Variants in CNTN5 observed in about 807,000 individuals in gnomAD.
The protein encoded by CNTN5 is contactin 5, also known as contactin-5.
Under a neutral mutation model 129.1 loss-of-function variants are expected in CNTN5, and 77 were observed. That is an observed-to-expected ratio of 0.60 (90% CI 0.50 to 0.72). The LOEUF (loss-of-function observed/expected upper bound fraction) is 0.72. Among genes scored for constraint, CNTN5 ranks in the 30% least tolerant of loss-of-function variants. The probability of loss-of-function intolerance (pLI) is 0.00; values close to 1 mark genes in which losing one functional copy is unlikely to be tolerated. For missense variants in CNTN5, 1,478 were observed against 1,328.8 expected, an observed-to-expected ratio of 1.11 and a Z score of -1.75; for synonymous variants, 509 against 465.6, an observed-to-expected ratio of 1.09 and a Z score of -1.20.
intron 1 of CNTN5, among the ~76,000 whole-genome samples, chr11:99,272,605 T>C (rs2135861112): frequency 6.6e-6 from 1 of 151,876 alleles, no homozygotes; most frequent in East Asian, 1.9e-4. Flanking sequence ...AATTATTTTC[T>C]TTTCTCACAT....
chr11:100,146,819 G>T lies in CNTN5; in HGVS notation c.1581-44307G>T, dbSNP rs143093653. ...GTGACTTTTAAATGTTGTGAACAAT[G>T]CATGAACATCTTTAAGTATACATAT... On this transcript the variant is annotated intron_variant, in intron 13 of 24. Coordinates refer to ENST00000524871, the MANE Select transcript of CNTN5 (RefSeq NM_014361.4). Among the ~76,000 whole-genome samples, 362 of 152,218 alleles carry T rather than the reference G, an allele frequency of 2.4e-3. 2 individuals carry two copies. The highest frequency in any genetic ancestry group is 8.2e-3 in the African/African-American group (339 of 41,544).
At chr11:99,799,088 G>A (rs1946035722) in intron 3 of CNTN5, among the ~76,000 whole-genome samples, 1 of 152,008 alleles carries the variant, frequency 6.6e-6, no homozygotes, top group Admixed American at 6.6e-5. Context: ...ATATAGAAAT[G>A]TTACTGATTT....
chr11:99,454,096 C>G (rs2135204932), intron 2 of CNTN5, among the ~76,000 whole-genome samples: 1 of 152,170 alleles, frequency 6.6e-6, no homozygotes, highest in Admixed American at 6.5e-5. Flanking sequence ...AAATTGCCCA[C>G]AGTGTATTTG....
intron 2 of CNTN5, among the ~76,000 whole-genome samples, chr11:99,542,381 A>G (rs1353572896): frequency 6.6e-6 from 1 of 152,122 alleles, no homozygotes; most frequent in Non-Finnish European, 1.5e-5. Context: ...TATGATTTTA[A>G]CTTTTAAAAA....
chr11:99,448,723 A>T (rs1944172916), intron 2 of CNTN5, among the ~76,000 whole-genome samples: 1 of 140,386 alleles, frequency 7.1e-6, no homozygotes, highest in Non-Finnish European at 1.5e-5. Flanking sequence ...CTAAAATTGT[A>T]CAATTGTTTT....
At chr11:100,110,411 A>G (rs976933849) in intron 13 of CNTN5, among the ~76,000 whole-genome samples, 1 of 152,036 alleles carries the variant, frequency 6.6e-6, no homozygotes, top group African/African-American at 2.4e-5. Context: ...ATATTTTCCA[A>G]TAATATAGGA....
chr11:99,933,315 T>A (rs1205989164), intron 7 of CNTN5, among the ~76,000 whole-genome samples: 1 of 152,222 alleles, frequency 6.6e-6, no homozygotes, highest in African/African-American at 2.4e-5. Context: ...TTATGTCACT[T>A]ATTAAATATG....
At chr11:99,378,433 G>A (rs1206640671) in intron 2 of CNTN5, among the ~76,000 whole-genome samples, 1 of 151,952 alleles carries the variant, frequency 6.6e-6, no homozygotes, top group East Asian at 1.9e-4. Context: ...CACTGTATAT[G>A]TTCAAGTACT....
chr11:99,667,935 C>T (rs980674233), intron 3 of CNTN5, among the ~76,000 whole-genome samples: 2 of 133,764 alleles, frequency 1.5e-5, no homozygotes, highest in African/African-American at 5.3e-5. Flanking sequence ...GCACATGTAT[C>T]CTGAAACTTA....
chr11:99,880,387 A>G (rs1267757298), intron 6 of CNTN5, among the ~76,000 whole-genome samples: 21 of 152,216 alleles, frequency 1.4e-4, no homozygotes, highest in Admixed American at 1.4e-3. Flanking sequence ...AGAATCAGAA[A>G]AGTAAATACA....
At chr11:100,019,940 C>CT (rs1032159033) in intron 9 of CNTN5, among the ~76,000 whole-genome samples, 2 of 151,880 alleles carry the variant, frequency 1.3e-5, no homozygotes, top group South Asian at 2.1e-4. Flanking sequence ...ATTTGTACCT[C>CT]TTTTTTTGAG....
At chr11:100,276,854 ATT>A (rs560279911) in intron 18 of CNTN5, among the ~76,000 whole-genome samples, 1 of 147,120 alleles carries the variant, frequency 6.8e-6, no homozygotes, top group South Asian at 2.1e-4. Flanking sequence ...TGTACAATTA[ATT>A]TTTTTTTTTT....
intron 24 of CNTN5, among the ~76,000 whole-genome samples, chr11:100,353,246 C>A (rs1952454104): frequency 6.6e-6 from 1 of 151,546 alleles, no homozygotes; most frequent in Non-Finnish European, 1.5e-5. Context: ...GAAACTCTTA[C>A]ACTATTGTCT....
At chr11:99,931,440 C>G (rs1450218380) in intron 7 of CNTN5, among the ~76,000 whole-genome samples, 2 of 152,022 alleles carry the variant, frequency 1.3e-5, no homozygotes, top group Admixed American at 1.3e-4. Context: ...GTTTTTTTTA[C>G]TTAGATTGGT....
intron 1 of CNTN5, among the ~76,000 whole-genome samples, chr11:99,261,421 A>G (rs1281390799): frequency 6.6e-6 from 1 of 152,068 alleles, no homozygotes; most frequent in Non-Finnish European, 1.5e-5. Flanking sequence ...AAGCTATTGT[A>G]TCTCCTATAT....
intron 3 of CNTN5, among the ~76,000 whole-genome samples, chr11:99,667,377 T>C (rs897107534): frequency 1.6e-4 from 25 of 152,190 alleles, no homozygotes; most frequent in African/African-American, 9.6e-5. Flanking sequence ...GTAAATGGCA[T>C]TTATAAGACG....
At chr11:100,329,671 A>G (rs1951862840) in intron 21 of CNTN5, among the ~76,000 whole-genome samples, 1 of 152,214 alleles carries the variant, frequency 6.6e-6, no homozygotes, top group South Asian at 2.1e-4. Flanking sequence ...ACAGCCTCCA[A>G]TGCCAGCCAG....
intron 3 of CNTN5, among the ~76,000 whole-genome samples, chr11:99,723,271 T>C (rs1226342428): frequency 3.9e-5 from 6 of 152,032 alleles, no homozygotes; most frequent in Non-Finnish European, 8.8e-5. Flanking sequence ...TCTTCCATGG[T>C]TCCTCTCGGA....
At chr11:100,238,464 G>C (rs528668129) in intron 16 of CNTN5, among the ~76,000 whole-genome samples, 4 of 143,712 alleles carry the variant, frequency 2.8e-5, no homozygotes, top group South Asian at 4.5e-4. Flanking sequence ...AAAGAGAAGA[G>C]GGAAAAGGAG....
Sources: gnomAD v4.1 joint callset for allele counts (sites outside exome capture counted in the v4.1 genomes callset) on GRCh38, gnomAD v4.1.1 for gene constraint, MANE v1.5 for transcripts, NCBI Gene and HGNC (gene_info 2026-07-23, HGNC 2026-07-21) for gene names.